The following HPF1 variants were observed in gnomAD, a reference collection of about 807,000 sequenced individuals.
The protein encoded by HPF1 is UPF0609 protein C4orf27.
A neutral mutation model predicts 38.8 loss-of-function variants in HPF1; 35 were observed. That is an observed-to-expected ratio of 0.90 (90% CI 0.69 to 1.19). HPF1 has a LOEUF of 1.19. Ranked by LOEUF, HPF1 falls within the 50% of genes most tolerant of loss-of-function variation. The pLI, the probability that HPF1 is intolerant of heterozygous loss-of-function variation, is 0.00. For missense variants in HPF1, 367 were observed against 405.8 expected, an observed-to-expected ratio of 0.90 and a Z score of 0.82; for synonymous variants, 115 against 139.2, an observed-to-expected ratio of 0.83 and a Z score of 1.22.
At chr4:169,733,129 A>G (rs919427156) in intron 6 of HPF1, among the ~76,000 whole-genome samples, 3 of 152,264 alleles carry the variant, frequency 2.0e-5, no homozygotes, top group African/African-American at 7.2e-5. Flanking sequence ...TCACTGCAGA[A>G]TTAAACCTTT....
Position 169,753,028 on chromosome 4 carries a change from GTTTTTTTT to G in HPF1, c.208+640_208+647del, listed in dbSNP as rs71590035. Among the ~76,000 whole-genome samples, 17 of 103,890 alleles carry G rather than the reference GTTTTTTTT, an allele frequency of 1.6e-4. No homozygotes were observed. In the Admixed American group the frequency reaches 2.2e-3, roughly 14 times the overall value. The allele number at this position is 103,890 out of a possible 152,430, so 68.2% of individuals were successfully genotyped here. ...ATGAACAGTTTATATCCTTGGTTAG[GTTTTTTTT>G]TTTTTTTTTTTTTCTGAGACAGGGT... On this transcript the variant is annotated intron_variant, in intron 2 of 7. Coordinates refer to ENST00000393381, the MANE Select transcript of HPF1 (RefSeq NM_017867.3).
Position 169,732,137 on chromosome 4 carries a change from A to ATT in HPF1, c.737-263_737-262dup, listed in dbSNP as rs70964219. 194 of 156,036 alleles carry ATT rather than the reference A, an allele frequency of 1.2e-3. 1 individual carries two copies. Among genetic ancestry groups the ATT allele is most frequent in the South Asian group, 4.8e-3 (50 of 10,506 alleles). The allele number at this position is 156,036 out of a possible 1,614,324, so 9.7% of individuals were successfully genotyped here. ...TTCACAGGATTTAGTTACAGTCACG[A>ATT]TTTTTTTTTTTTTTTTTTTTTTTAG... On this transcript the variant is annotated intron_variant, in intron 6 of 7. Coordinates refer to ENST00000393381, the MANE Select transcript of HPF1 (RefSeq NM_017867.3).
At chr4:169,745,906 C>G (rs1734041864) in intron 4 of HPF1, among the ~76,000 whole-genome samples, 1 of 152,146 alleles carries the variant, frequency 6.6e-6, no homozygotes, top group African/African-American at 2.4e-5. Flanking sequence ...CCACTATTTA[C>G]TTTGTGCCAT....
rs1581326491 is a variant in HPF1 at position 169,757,828 on chromosome 4, A to C, written c.48+2T>G. On this transcript the variant is annotated splice_donor_variant, in intron 1 of 7. Coordinates refer to ENST00000393381, the MANE Select transcript of HPF1 (RefSeq NM_017867.3). LOFTEE classifies it high-confidence loss of function. ...TAGCCCGCACAGCCTTTCCGGCAGT[A>C]CCTGCGGCCCCTCTCCGCCGGGCCT... 6.4e-7 allele frequency: 1 copy of C among 1,562,880 alleles called. No homozygotes were observed. Among genetic ancestry groups the C allele is most frequent in the Non-Finnish European group, 8.6e-7 (1 of 1,161,234 alleles).
At chr4:169,736,888 C>T (rs1733903030) in intron 6 of HPF1, among the ~76,000 whole-genome samples, 1 of 152,120 alleles carries the variant, frequency 6.6e-6, no homozygotes. Flanking sequence ...GTAGCAATAA[C>T]TAGATTATGC....
At chr4:169,752,168 C>CTTTTTTTTTTTTTTTTT (rs35247508) in intron 2 of HPF1, among the ~76,000 whole-genome samples, 1 of 107,200 alleles carries the variant, frequency 9.3e-6, no homozygotes, top group African/African-American at 3.7e-5. Context: ...ACAGGCATGA[C>CTTTTTTTTTTTTTTTTT]TTTTTTTTTT....
chr4:169,741,338 T>G (rs3775986), intron 5 of HPF1, among the ~76,000 whole-genome samples: 5,558 of 152,276 alleles, frequency 0.036, 135 homozygotes, highest in South Asian at 0.089. Flanking sequence ...GACAAATTTT[T>G]TTTTTGTTTT....
intron 1 of HPF1, among the ~76,000 whole-genome samples, 172 bp downstream of exon 1, chr4:169,757,658 C>A (rs941694661): frequency 5.9e-5 from 9 of 152,228 alleles, no homozygotes; most frequent in Non-Finnish European, 8.8e-5. Flanking sequence ...CCTGGTCCAA[C>A]CCCCTGCAGA....
At chr4:169,753,102 C>G (rs1357601192) in intron 2 of HPF1, among the ~76,000 whole-genome samples, 1 of 140,912 alleles carries the variant, frequency 7.1e-6, no homozygotes, top group Admixed American at 7.3e-5. Context: ...GGCACAATCT[C>G]GACTCACTGC....
chr4:169,739,559 A>G (rs1733939738), intron 5 of HPF1, among the ~76,000 whole-genome samples: 1 of 152,150 alleles, frequency 6.6e-6, no homozygotes, highest in South Asian at 2.1e-4. Context: ...AAACCCCCCA[A>G]AATTAGAAAC....
intron 4 of HPF1, among the ~76,000 whole-genome samples, chr4:169,743,571 T>C (rs1466706735): frequency 2.6e-5 from 4 of 152,010 alleles, no homozygotes; most frequent in African/African-American, 9.7e-5. Context: ...TACAAAAGCA[T>C]AATCCAAAGT....
At chr4:169,731,953 A>T in intron 6 of HPF1, 77 bp from the exon 7 acceptor site, 1 of 1,261,150 alleles carries the variant, frequency 7.9e-7, no homozygotes, top group Non-Finnish European at 1.1e-6. Flanking sequence ...AGAAGATTAT[A>T]AAGAGGGTTT....
At chr4:169,750,193 C>G (rs1449261389) in intron 3 of HPF1, among the ~76,000 whole-genome samples, 1 of 152,040 alleles carries the variant, frequency 6.6e-6, no homozygotes, top group African/African-American at 2.4e-5. Context: ...AACAAGAGGA[C>G]CAGTGTGACT....
chr4:169,753,138 A>G (rs556196578), intron 2 of HPF1, among the ~76,000 whole-genome samples: 2 of 147,688 alleles, frequency 1.4e-5, no homozygotes, highest in South Asian at 2.2e-4. Context: ...GGTTCAAGCA[A>G]TGATCGTGCC....
chr4:169,742,917 A>G (rs1733993919), intron 4 of HPF1, among the ~76,000 whole-genome samples: 1 of 151,824 alleles, frequency 6.6e-6, no homozygotes, highest in African/African-American at 2.4e-5. Context: ...CCTGGCCAAC[A>G]TAGTGAAACC....
chr4:169,738,703 T>C (rs778555669), intron 5 of HPF1, among the ~76,000 whole-genome samples: 5 of 152,224 alleles, frequency 3.3e-5, no homozygotes, highest in Non-Finnish European at 7.3e-5. Context: ...AATGAAGTCA[T>C]TGTCTTCTAT....
intron 2 of HPF1, among the ~76,000 whole-genome samples, chr4:169,751,499 T>C (rs889755095): frequency 1.3e-5 from 2 of 152,146 alleles, no homozygotes; most frequent in African/African-American, 2.4e-5. Context: ...GACAATCTAT[T>C]TGGCCAACCC....
Position 169,753,722 on chromosome 4 carries a change from A to T in HPF1, c.162T>A (p.Tyr54Ter). Residue 54 changes from tyrosine to a stop codon, truncating the protein, a stop_gained, in exon 2 of 8, where the codon TAT becomes TAA. Transcript: ENST00000393381. LOFTEE classifies it high-confidence loss of function. The stretch of plus-strand genomic sequence containing the variant: ...GTTCTTCACAGAACTTCCAGAAGTG[A>T]TAGAAATCTTCAGGTAAAGAAAGCT... ...HYKLSLPEDF[Y>*]HFWKFCEELD... 1 of 1,612,796 alleles carries T rather than the reference A, an allele frequency of 6.2e-7. No homozygotes were observed. Among genetic ancestry groups the T allele is most frequent in the South Asian group, 1.1e-5 (1 of 90,926 alleles).
rs78033664 is a variant in HPF1, at chr4:169,735,466, G to A, written c.736+2194C>T. On this transcript the variant is annotated intron_variant, in intron 6 of 7. Coordinates refer to ENST00000393381, the MANE Select transcript of HPF1 (RefSeq NM_017867.3). ...CAAATGACACTGGCAAGAGCAAGAA[G>A]ATTAGGTCCTTCAGTCTTAATGTTT... is the stretch of plus-strand genomic sequence containing the variant. Among the ~76,000 whole-genome samples, 985 of 152,298 alleles carry A rather than the reference G, an allele frequency of 6.5e-3. 10 individuals are homozygous for A. Among genetic ancestry groups the A allele is most frequent in the African/African-American group, 0.023 (942 of 41,558 alleles).
Sources: gnomAD v4.1 joint callset for allele counts (sites outside exome capture counted in the v4.1 genomes callset) on GRCh38, gnomAD v4.1.1 for gene constraint, MANE v1.5 for transcripts, NCBI Gene and HGNC (gene_info 2026-07-23, HGNC 2026-07-21) for gene names.